The following VAMP7 variants were observed in gnomAD, a reference collection of about 807,000 sequenced individuals.
The protein encoded by VAMP7 is vesicle associated membrane protein 7, also known as vesicle-associated membrane protein 7.
Under a neutral mutation model 29.6 loss-of-function variants are expected in VAMP7, and 14 were observed. The ratio of observed to expected loss-of-function variants is 0.47; its 90% CI spans 0.31 to 0.74. The LOEUF (loss-of-function observed/expected upper bound fraction) is 0.74, where lower values mean the gene tolerates loss of function less well. VAMP7 is among the 30% of genes least tolerant of loss of function. VAMP7 has a pLI of 0.05. For synonymous variants in VAMP7, 95 were observed against 88.1 expected (o/e 1.08, Z -0.44); for missense variants, 223 against 262.4 (o/e 0.85, Z 1.04).
intron 3 of VAMP7, 53 bp from the exon 4 acceptor site, chrX:155,898,059 A>G: frequency 6.3e-7 from 1 of 1,590,318 alleles, no homozygotes; most frequent in Non-Finnish European, 8.6e-7. Flanking sequence ...TTAATCACTC[A>G]CATCATCTTT....
chrX:155,928,500 C>T (rs2066502520), intron 6 of VAMP7, among the ~76,000 whole-genome samples: 1 of 152,148 alleles, frequency 6.6e-6, no homozygotes, highest in Non-Finnish European at 1.5e-5. Flanking sequence ...TATTTCTTGG[C>T]TTGTGGCTAT....
chrX:155,905,539 C>G (rs1262596379), intron 5 of VAMP7, among the ~76,000 whole-genome samples: 1 of 152,036 alleles, frequency 6.6e-6, no homozygotes, highest in East Asian at 1.9e-4. Context: ...AGTTTTAGCT[C>G]TTACATTTCT....
intron 6 of VAMP7, among the ~76,000 whole-genome samples, chrX:155,926,447 T>C (rs1311363099): frequency 3.3e-5 from 5 of 152,222 alleles, no homozygotes; most frequent in Non-Finnish European, 7.3e-5. Flanking sequence ...CAACTTCTGC[T>C]AGCTTTAAAC....
chrX:155,901,747 C>T (rs890252604), intron 5 of VAMP7, among the ~76,000 whole-genome samples: 1 of 152,010 alleles, frequency 6.6e-6, no homozygotes, highest in Non-Finnish European at 1.5e-5. Context: ...GTTTTGGTAC[C>T]AGTACCATGC....
chrX:155,913,836 G>C (rs1459997507), intron 5 of VAMP7, among the ~76,000 whole-genome samples: 1 of 152,102 alleles, frequency 6.6e-6, no homozygotes, highest in Non-Finnish European at 1.5e-5. Context: ...TTCTTGCTTA[G>C]GATTGTCTTG....
In VAMP7 at chrX:155,900,597, A is replaced by C; in HGVS notation, c.433+10A>C. ...ATGGTCAGAAACATAGGTATGTTTCATGGCATAGTTTCATGCATGTGGGCA... is the reference window on the plus strand; with the variant it reads ...ATGGTCAGAAACATAGGTATGTTTCCTGGCATAGTTTCATGCATGTGGGCA... On this transcript the variant is annotated intron_variant, in intron 5 of 7. Transcript: ENST00000286448. 6.3e-7 allele frequency: 1 copy of C among 1,595,984 alleles called. No homozygotes were observed. The highest frequency in any genetic ancestry group is 8.5e-7 in the Non-Finnish European group (1 of 1,169,624).
At chrX:155,906,054 T>A (rs369076632) in intron 5 of VAMP7, among the ~76,000 whole-genome samples, 1 of 151,996 alleles carries the variant, frequency 6.6e-6, no homozygotes, top group East Asian at 1.9e-4. Context: ...GTTTCTTTAA[T>A]TTTTTCCAAC....
intron 5 of VAMP7, among the ~76,000 whole-genome samples, chrX:155,918,953 T>G (rs1185957093): frequency 1.3e-5 from 2 of 152,208 alleles, no homozygotes; most frequent in African/African-American, 4.8e-5. Context: ...GTGTATTATC[T>G]TTTTGATGTG....
intron 2 of VAMP7, among the ~76,000 whole-genome samples, chrX:155,894,301 GT>G (rs1195549080): frequency 0.015 from 953 of 64,906 alleles, 2 homozygotes; most frequent in African/African-American, 0.032. Flanking sequence ...TGTGTCCTTT[GT>G]TTTTTTTTTT....
Position 155,889,575 on chromosome X carries a change from C to G in VAMP7, c.109C>G (p.Pro37Ala). 6.2e-7 allele frequency: 1 copy of G among 1,613,842 alleles called. No homozygotes were observed. The highest frequency in any genetic ancestry group is 8.5e-7 in the Non-Finnish European group (1 of 1,179,830). Reference sequence around the variant, plus strand: ...GACAGAGCAGATTCTGGCTAAGATACCTTCTGAAAATAACAAACTAACGTA... The same window carrying G: ...GACAGAGCAGATTCTGGCTAAGATAGCTTCTGAAAATAACAAACTAACGTA... ...EVTEQILAKI[P>A]SENNKLTYSH... The change falls in exon 2 of 8, where the codon CCT becomes GCT. Residue 37 changes from proline to alanine, a missense_variant. Coordinates refer to ENST00000286448, the MANE Select transcript of VAMP7 (RefSeq NM_005638.6).
At chrX:155,927,676 TTCTC>T (rs1171017487) in intron 6 of VAMP7, among the ~76,000 whole-genome samples, 1 of 151,868 alleles carries the variant, frequency 6.6e-6, no homozygotes, top group Non-Finnish European at 1.5e-5. Flanking sequence ...TGATGAGAGA[TTCTC>T]TAAGCTTTTG....
intron 3 of VAMP7, 38 bp downstream of exon 3, chrX:155,895,718 G>A (rs1232169076): frequency 6.4e-7 from 1 of 1,565,126 alleles, no homozygotes; most frequent in Non-Finnish European, 8.8e-7. Flanking sequence ...TTAACTATGT[G>A]TACTGTTAAT....
intron 6 of VAMP7, among the ~76,000 whole-genome samples, chrX:155,936,206 AC>A (rs2066652226): frequency 6.6e-6 from 1 of 152,208 alleles, no homozygotes; most frequent in South Asian, 2.1e-4. Flanking sequence ...TCCTGGGAGA[AC>A]CACTACTCTC....
intron 6 of VAMP7, among the ~76,000 whole-genome samples, chrX:155,932,698 G>T (rs1182408380): frequency 6.6e-6 from 1 of 152,088 alleles, no homozygotes; most frequent in East Asian, 1.9e-4. Flanking sequence ...TACCCTTTAT[G>T]TCTTTCTCTT....
rs185860720 is a variant in VAMP7 at position 155,921,146 on chromosome X, A to G, written c.501+1266A>G. 3.2e-4 allele frequency among the ~76,000 whole-genome samples: 48 copies of G among 152,252 alleles called. No individual in the cohort carries two copies. In the Middle Eastern group the frequency reaches 0.01, roughly 32 times the overall value. On this transcript the variant is annotated intron_variant, in intron 6 of 7. Coordinates refer to ENST00000286448, the MANE Select transcript of VAMP7 (RefSeq NM_005638.6). ...GGGGAATGGTCTGTCTTTGACCAAT[A>G]GTAGTATGATCTGTACTTTACAAAT...
chrX:155,916,183 C>G (rs1018336710), intron 5 of VAMP7, among the ~76,000 whole-genome samples: 1 of 151,830 alleles, frequency 6.6e-6, no homozygotes, highest in Non-Finnish European at 1.5e-5. Context: ...GCAGCCACTG[C>G]TTTTTTTTGC....
At position 155,898,235 on chromosome X, in the gene VAMP7, T is replaced by C. The variant is rs1223837552; in HGVS notation, c.328T>C (p.Leu110=). 6.8e-6 allele frequency: 11 copies of C among 1,613,476 alleles called. No homozygotes were observed. Among genetic ancestry groups the C allele is most frequent in the Non-Finnish European group, 9.3e-6 (11 of 1,179,554 alleles). ...YAMNSEFSSV[L]AAQLKHHSEN... ...CATGAATAGCGAGTTCTCAAGTGTC[T>C]TAGCTGCACAGCTGGTAAGATCTTT... Residue 110 remains leucine (L), a synonymous_variant, in exon 4 of 8, where the codon TTA becomes CTA. Transcript: ENST00000286448.
chrX:155,900,234 G>C (rs929054935), intron 4 of VAMP7, among the ~76,000 whole-genome samples: 2 of 151,462 alleles, frequency 1.3e-5, no homozygotes, highest in Admixed American at 6.6e-5. Context: ...ATGTATATTT[G>C]ATATAATGTT....
chrX:155,902,746 T>G (rs1288508521), intron 5 of VAMP7, among the ~76,000 whole-genome samples: 2 of 151,210 alleles, frequency 1.3e-5, no homozygotes, highest in Non-Finnish European at 3.0e-5. Flanking sequence ...ATAAGCTTTT[T>G]GATGTGCTGC....
Sources: gnomAD v4.1 joint callset for allele counts (sites outside exome capture counted in the v4.1 genomes callset) on GRCh38, gnomAD v4.1.1 for gene constraint, MANE v1.5 for transcripts, NCBI Gene and HGNC (gene_info 2026-07-23, HGNC 2026-07-21) for gene names.